The following JADE3 variants were observed in gnomAD, a reference collection of about 807,000 sequenced individuals.
JADE3 encodes protein Jade-3.
Under a neutral mutation model 50.1 loss-of-function variants are expected in JADE3, and 2 were observed. The observed-to-expected ratio is 0.04, with a 90% CI of 0.02 to 0.13. JADE3 has a LOEUF of 0.13. Ranked by LOEUF, JADE3 falls within the 10% of genes least tolerant of loss-of-function variation. JADE3 has a pLI of 1.00. For missense variants in JADE3, 475 were observed against 634.4 expected, an observed-to-expected ratio of 0.75 and a Z score of 2.70; for synonymous variants, 218 against 232.9, an observed-to-expected ratio of 0.94 and a Z score of 0.58.
intron 9 of JADE3, among the ~76,000 whole-genome samples, 157 bp downstream of exon 9, chrX:47,054,785 T>G: frequency 8.9e-6 from 1 of 111,832 alleles, no homozygotes. Flanking sequence ...CATTGGGCTC[T>G]GTGTAAATTC....
intron 3 of JADE3, among the ~76,000 whole-genome samples, chrX:46,988,557 T>C (rs781874516): frequency 1.5e-3 from 169 of 112,096 alleles, no homozygotes; most frequent in African/African-American, 5.2e-3. Context: ...TGAGTAGTTA[T>C]AATCAAAGTT....
chrX:46,972,405 A>G (rs782638469), intron 1 of JADE3, among the ~76,000 whole-genome samples: 5 of 111,367 alleles, frequency 4.5e-5, no homozygotes, highest in Non-Finnish European at 9.4e-5. Flanking sequence ...CGTGTTGTCC[A>G]GGCTGATCTC....
At chrX:46,989,569 C>T (rs1927938747) in intron 3 of JADE3, among the ~76,000 whole-genome samples, 1 of 111,869 alleles carries the variant, frequency 8.9e-6, no homozygotes, top group African/African-American at 3.2e-5. Flanking sequence ...AATCTGCCCC[C>T]ATTCAAATAG....
intron 1 of JADE3, among the ~76,000 whole-genome samples, chrX:46,980,858 A>G (rs971521187): frequency 4.5e-5 from 5 of 111,801 alleles, no homozygotes; most frequent in Admixed American, 3.8e-4. Flanking sequence ...TTAGCTGACT[A>G]TAAAATAGGG....
chrX:46,915,949 T>C (rs1926075371), intron 1 of JADE3, among the ~76,000 whole-genome samples: 2 of 111,635 alleles, frequency 1.8e-5, no homozygotes, highest in Non-Finnish European at 3.8e-5. Context: ...ATTTAATCTT[T>C]GCCAAAACCC....
chrX:47,048,925 T>C (rs1277575799), intron 8 of JADE3, among the ~76,000 whole-genome samples: 1 of 112,032 alleles, frequency 8.9e-6, no homozygotes, highest in Non-Finnish European at 1.9e-5. Flanking sequence ...TAAAGACACA[T>C]GTATAAAAGA....
At chrX:47,020,264 G>T (rs1928766635) in intron 4 of JADE3, among the ~76,000 whole-genome samples, 1 of 109,851 alleles carries the variant, frequency 9.1e-6, no homozygotes, top group African/African-American at 3.3e-5. Context: ...CTGGTAGGCA[G>T]AGGTTACAGT....
chrX:47,024,777 T>C lies in JADE3; in HGVS notation c.338T>C (p.Ile113Thr), dbSNP rs1556365181. The C allele has an allele frequency of 8.3e-7, 1 of 1,198,024 alleles. No individual in the cohort carries two copies. The highest frequency in any genetic ancestry group is 2.2e-5 in the Admixed American group (1 of 45,440). ...CTGTTTATCCGACCCCGGAAGTATATTCACTGCTCCAGCCCAGACACCACA... is the reference window on the plus strand; with the variant it reads ...CTGTTTATCCGACCCCGGAAGTATACTCACTGCTCCAGCCCAGACACCACA... ...DVLFIRPRKY[I>T]HCSSPDTTEP... Residue 113 changes from isoleucine to threonine, a missense_variant, in exon 5 of 11, where the codon ATT becomes ACT. Ile to Thr is a moderately conservative substitution (Grantham distance 89). This residue lies in a region of JADE3 where 54 missense variants were observed against 51.8 expected (regional missense o/e 1.04). Transcript: ENST00000614628.
chrX:46,947,046 G>A (rs1556343649), intron 1 of JADE3, among the ~76,000 whole-genome samples: 1 of 111,554 alleles, frequency 9.0e-6, no homozygotes, highest in East Asian at 2.8e-4. Flanking sequence ...TTGAGACGGA[G>A]TCTCACTCTG....
At chrX:46,915,765 A>C (rs1926069258) in intron 1 of JADE3, among the ~76,000 whole-genome samples, 1 of 110,636 alleles carries the variant, frequency 9.0e-6, no homozygotes, top group African/African-American at 3.3e-5. Flanking sequence ...AGTAAAAAAA[A>C]AAAAAGGGTC....
At position 47,016,074 on chromosome X, in the gene JADE3, A is replaced by G. The variant is rs1188531257; in HGVS notation, c.285-8650A>G. The stretch of plus-strand genomic sequence containing the variant: ...ACTTCTCAATCCAGTCAGCATGAAA[A>G]GAGTGGAGGGTTATACAGTTGGGGT... On this transcript the variant is annotated intron_variant, in intron 4 of 10. Transcript: ENST00000614628. Among the ~76,000 whole-genome samples, 4 of 110,743 alleles carry G rather than the reference A, an allele frequency of 3.6e-5. No individual in the cohort carries two copies. The Admixed American group carries it at 3.9e-4, about 11-fold the overall frequency.
intron 8 of JADE3, among the ~76,000 whole-genome samples, chrX:47,051,113 T>C (rs1556371870): frequency 9.2e-6 from 1 of 108,678 alleles, no homozygotes. Context: ...AATTGGAAAG[T>C]GGAGGGGGAG....
At chrX:47,021,168 G>T (rs782701651) in intron 4 of JADE3, among the ~76,000 whole-genome samples, 1 of 110,515 alleles carries the variant, frequency 9.0e-6, no homozygotes, top group Non-Finnish European at 1.9e-5. Context: ...CTCACCCAAG[G>T]TATCAGTTTT....
chrX:46,967,383 T>C (rs1556349268), intron 1 of JADE3, among the ~76,000 whole-genome samples: 1 of 111,863 alleles, frequency 8.9e-6, no homozygotes. Context: ...ATTTTTTATC[T>C]GTCCATTTTT....
At position 46,927,705 on chromosome X, in the gene JADE3, A is replaced by G. The variant is rs782379658; in HGVS notation, c.-12+14986A>G. On this transcript the variant is annotated intron_variant, in intron 1 of 10. Transcript: ENST00000614628. ...AGCCACCACCTGGCTTAATCTCCCC[A>G]GTTTTGAGAAACACATTGAGGTCGG... Among the ~76,000 whole-genome samples, 4 of 112,299 alleles carry G rather than the reference A, an allele frequency of 3.6e-5. No homozygotes were observed. The East Asian group carries it at 1.1e-3, about 32-fold the overall frequency.
At chrX:46,954,465 G>T (rs782169336) in intron 1 of JADE3, among the ~76,000 whole-genome samples, 1 of 112,198 alleles carries the variant, frequency 8.9e-6, no homozygotes, top group Non-Finnish European at 1.9e-5. Context: ...AATCCTAAAC[G>T]AGCAAAAACA....
chrX:47,047,627 A>G (rs1929406360), intron 8 of JADE3, among the ~76,000 whole-genome samples: 1 of 111,976 alleles, frequency 8.9e-6, no homozygotes, highest in Non-Finnish European at 1.9e-5. Flanking sequence ...AAGAAAGGCA[A>G]ACAATCAAGG....
intron 6 of JADE3, 55 bp from the exon 7 acceptor site, chrX:47,033,566 C>T: frequency 9.7e-7 from 1 of 1,035,920 alleles, no homozygotes; most frequent in Non-Finnish European, 1.3e-6. Context: ...AGAACAGATA[C>T]CAACCCTGGT....
At chrX:47,047,863 A>C (rs782730637) in intron 8 of JADE3, among the ~76,000 whole-genome samples, 13 of 112,018 alleles carry the variant, frequency 1.2e-4, no homozygotes, top group African/African-American at 4.2e-4. Flanking sequence ...AGTTATACTC[A>C]CAGTTATAGT....
Sources: allele counts gnomAD v4.1 joint callset (sites outside exome capture counted in the v4.1 genomes callset), GRCh38; gene constraint gnomAD v4.1.1; regional missense constraint gnomAD v4.1.1; transcripts MANE v1.5; gene names NCBI Gene and HGNC (gene_info 2026-07-23, HGNC 2026-07-21).